The following SLC36A3 variants were observed in gnomAD, a reference collection of about 807,000 sequenced individuals.
SLC36A3 encodes proton-coupled amino acid transporter 3.
In SLC36A3, 35 loss-of-function variants were observed where a neutral mutation model predicts 44.3. The observed-to-expected ratio is 0.79, with a 90% CI of 0.60 to 1.05. The LOEUF (loss-of-function observed/expected upper bound fraction) is 1.05, where lower values mean the gene tolerates loss of function less well. SLC36A3 is among the 50% of genes least tolerant of loss of function. The pLI, the probability that SLC36A3 is intolerant of heterozygous loss-of-function variation, is 0.00. For synonymous variants in SLC36A3, 211 were observed against 227.6 expected (o/e 0.93, Z 0.66); for missense variants, 540 against 578.7 (o/e 0.93, Z 0.69).
At position 151,300,996 on chromosome 5, in the gene SLC36A3, T is replaced by C. The variant is rs149449899; in HGVS notation, c.128+2231A>G. Among the ~76,000 whole-genome samples the C allele has an allele frequency of 8.4e-3, 1,280 of 152,404 alleles. 8 individuals carry two copies. The highest frequency in any genetic ancestry group is 0.025 in the South Asian group (123 of 4,830). On this transcript the variant is annotated intron_variant, in intron 1 of 9. Coordinates refer to ENST00000335230, the MANE Select transcript of SLC36A3 (RefSeq NM_181774.4). ...GTAATGACTGTATCATATTCTACTG[T>C]ATGTTTGTTTCATGTGTTAACCTTT... is the stretch of plus-strand genomic sequence containing the variant.
chr5:151,298,613 T>C lies in SLC36A3; in HGVS notation c.199A>G (p.Ile67Val), dbSNP rs746505307. Reference protein sequence around the residue: ...GTGLLGLPLAIKNAGLLVGPV... With the variant: ...GTGLLGLPLAVKNAGLLVGPV... ...CTTACCAACAAGCCGGCATTCTTTA[T>C]GGCCAGGGGAAGCCCCAGGAGCCCT... Residue 67 changes from isoleucine to valine, a missense_variant, in exon 2 of 10, where the codon ATA becomes GTA. Ile to Val is a conservative substitution (Grantham distance 29). Transcript: ENST00000335230. 24 of 1,614,088 alleles carry C rather than the reference T, an allele frequency of 1.5e-5. No homozygotes were observed. The highest frequency in any genetic ancestry group is 4.0e-5 in the African/African-American group (3 of 74,934).
In SLC36A3 at chr5:151,281,140, A is replaced by G. The variant is rs901509246; in HGVS notation, c.1018T>C (p.Phe340Leu). 3 of 1,613,920 alleles carry G rather than the reference A, an allele frequency of 1.9e-6. No homozygotes were observed. The highest frequency in any genetic ancestry group is 2.5e-6 in the Non-Finnish European group (3 of 1,179,966). The stretch of plus-strand genomic sequence containing the variant: ...ACGTGGAACTGGAGGGCATAGGTGA[A>G]GAAGATGCCGATAGAGTACATCAGC... ...VKLMYSIGIF[F>L]TYALQFHVPA... is the part of the protein sequence containing the mutation. The change falls in exon 9 of 10, where the codon TTC (phenylalanine) becomes CTC (leucine). Residue 340 changes from phenylalanine (F) to leucine (L), a missense_variant. By Grantham distance (22) the Phe-to-Leu change is conservative. Coordinates refer to ENST00000335230, the MANE Select transcript of SLC36A3 (RefSeq NM_181774.4).
intron 1 of SLC36A3, among the ~76,000 whole-genome samples, chr5:151,300,310 G>T (rs547953440): frequency 6.6e-6 from 1 of 152,224 alleles, no homozygotes; most frequent in Admixed American, 6.5e-5. Flanking sequence ...ACCTGAGAGA[G>T]GGTTGGGTTG....
At position 151,291,540 on chromosome 5, in the gene SLC36A3, C is replaced by T. The variant is rs144481024; in HGVS notation, c.404+1824G>A. ...TTTTTTCTATTTGGTTGGTGACTTC[C>T]TCATGATGCTATTTATCTTGTTCCT... On this transcript the variant is annotated intron_variant, in intron 4 of 9. Coordinates refer to ENST00000335230, the MANE Select transcript of SLC36A3 (RefSeq NM_181774.4). 7.3e-3 allele frequency among the ~76,000 whole-genome samples: 1,115 copies of T among 152,180 alleles called. 6 individuals carry two copies. The highest frequency in any genetic ancestry group is 0.013 in the Non-Finnish European group (870 of 68,006).
At chr5:151,296,602 T>A (rs1186785489) in intron 2 of SLC36A3, 1 of 331,862 alleles carries the variant, frequency 3.0e-6, no homozygotes, top group Non-Finnish European at 5.6e-6. Context: ...ACCCTGGCCC[T>A]CACTTCCTCC....
intron 2 of SLC36A3, 184 bp downstream of exon 2, chr5:151,298,409 C>G (rs1467105394): frequency 1.7e-6 from 1 of 590,288 alleles, no homozygotes; most frequent in African/African-American, 1.9e-5. Context: ...TAATGGTGTG[C>G]CCCCTTCAGG....
chr5:151,294,955 T>C (rs892840671), intron 3 of SLC36A3, among the ~76,000 whole-genome samples: 1 of 151,354 alleles, frequency 6.6e-6, no homozygotes, highest in African/African-American at 2.4e-5. Context: ...AAACATTGAC[T>C]AAAAAATAAA....
At chr5:151,292,993 C>T (rs1019705074) in intron 4 of SLC36A3, among the ~76,000 whole-genome samples, 1 of 151,750 alleles carries the variant, frequency 6.6e-6, no homozygotes, top group Non-Finnish European at 1.5e-5. Context: ...CCTCCCCCCC[C>T]AAAAATGAGG....
chr5:151,289,907 A>T (rs954792061), intron 4 of SLC36A3, among the ~76,000 whole-genome samples: 7 of 152,194 alleles, frequency 4.6e-5, no homozygotes, highest in African/African-American at 1.7e-4. Context: ...TTGAGATGGC[A>T]TGATTATCCT....
intron 9 of SLC36A3, among the ~76,000 whole-genome samples, chr5:151,278,266 C>T (rs1220407310): frequency 6.6e-6 from 1 of 150,622 alleles, no homozygotes; most frequent in African/African-American, 2.4e-5. Context: ...TGAAGCAGGC[C>T]ATAAAACACA....
intron 1 of SLC36A3, among the ~76,000 whole-genome samples, chr5:151,300,997 A>G (rs1251838493): frequency 6.6e-6 from 1 of 152,192 alleles, no homozygotes; most frequent in Admixed American, 6.5e-5. Context: ...ATTCTACTGT[A>G]TGTTTGTTTC....
chr5:151,294,687 G>A (rs3926161), intron 3 of SLC36A3, among the ~76,000 whole-genome samples: 1 of 151,204 alleles, frequency 6.6e-6, no homozygotes, highest in African/African-American at 2.4e-5. Context: ...TGGAGTGCAA[G>A]GGTGCGATCT....
intron 1 of SLC36A3, among the ~76,000 whole-genome samples, chr5:151,299,264 C>CTCTCTCTCTCTCTCTATATATATATA (rs1372309288): frequency 1.7e-5 from 1 of 59,646 alleles, no homozygotes; most frequent in Non-Finnish European, 3.1e-5. Flanking sequence ...CTCTCTCTCT[C>CTCTCTCTCTCTCTCTATATATATATA]TATATATATA....
At chr5:151,286,011 C>T (rs1473422954) in intron 6 of SLC36A3, among the ~76,000 whole-genome samples, 2 of 152,024 alleles carry the variant, frequency 1.3e-5, no homozygotes, top group African/African-American at 4.8e-5. Context: ...TTTATCACAG[C>T]AGCAATATGA....
In SLC36A3 at chr5:151,279,572, A is replaced by G. The variant is rs535726597; in HGVS notation, c.1144+1442T>C. Among the ~76,000 whole-genome samples the G allele has an allele frequency of 1.2e-4, 19 of 152,320 alleles. No individual in the cohort carries two copies. The South Asian group carries it at 3.5e-3, about 28-fold the overall frequency. On this transcript the variant is annotated intron_variant, in intron 9 of 9. Transcript: ENST00000335230. ...ATTATAAGGTCAACTGTCTCTAGTC[A>G]TGCATTCCCTGATACTCAGAGGCTC... is the stretch of plus-strand genomic sequence containing the variant.
chr5:151,299,264 CTATATATATATA>C (rs66776978), intron 1 of SLC36A3, among the ~76,000 whole-genome samples: 57 of 59,648 alleles, frequency 9.6e-4, no homozygotes, highest in African/African-American at 2.8e-3. Flanking sequence ...CTCTCTCTCT[CTATATATATATA>C]TATATATATA....
intron 2 of SLC36A3, chr5:151,298,125 G>A (rs1580825265): frequency 1.3e-5 from 2 of 153,420 alleles, no homozygotes; most frequent in Non-Finnish European, 2.9e-5. Flanking sequence ...ACAGAAATGA[G>A]GGGGCAGGAA....
At chr5:151,301,857 G>A (rs1241842581) in intron 1 of SLC36A3, among the ~76,000 whole-genome samples, 1 of 152,072 alleles carries the variant, frequency 6.6e-6, no homozygotes, top group Non-Finnish European at 1.5e-5. Flanking sequence ...TGAACCCATT[G>A]AGTGGTTACA....
intron 4 of SLC36A3, among the ~76,000 whole-genome samples, chr5:151,291,337 C>T (rs955707605): frequency 5.9e-5 from 9 of 152,182 alleles, no homozygotes; most frequent in African/African-American, 2.2e-4. Context: ...CTCCAATTCT[C>T]TCAAAAATAT....
Sources: gnomAD v4.1 joint callset for allele counts (sites outside exome capture counted in the v4.1 genomes callset) on GRCh38, gnomAD v4.1.1 for gene constraint, MANE v1.5 for transcripts, NCBI Gene and HGNC (gene_info 2026-07-23, HGNC 2026-07-21) for gene names.